The following DTNBP1 variants were observed in gnomAD, a reference collection of about 807,000 sequenced individuals.
DTNBP1 encodes dysbindin.
DTNBP1 carries 35 observed loss-of-function variants against 42.8 expected under a neutral mutation model. That is an observed-to-expected ratio of 0.82 (90% CI 0.63 to 1.09). DTNBP1 has a LOEUF of 1.09. DTNBP1 is among the 50% of genes least tolerant of loss of function. The pLI, the probability that DTNBP1 is intolerant of heterozygous loss-of-function variation, is 0.00. For missense variants in DTNBP1, 457 were observed against 424.2 expected (o/e 1.08, Z -0.68); for synonymous variants, 171 against 162.2 (o/e 1.05, Z -0.41).
At chr6:15,619,557 G>A (rs1581400817) in intron 5 of DTNBP1, among the ~76,000 whole-genome samples, 1 of 152,094 alleles carries the variant, frequency 6.6e-6, no homozygotes, top group East Asian at 1.9e-4. Flanking sequence ...AACAAAAAAT[G>A]TTTGAGAAAC....
chr6:15,646,845 T>C (rs1173105119), intron 3 of DTNBP1, among the ~76,000 whole-genome samples: 2 of 152,004 alleles, frequency 1.3e-5, no homozygotes, highest in Non-Finnish European at 2.9e-5. Flanking sequence ...GACCCCTACC[T>C]CTTACCATAT....
rs761227062 is a variant in DTNBP1 at position 15,533,400 on chromosome 6, G to A, written c.512-5C>T. 10 of 1,614,224 alleles carry A rather than the reference G, an allele frequency of 6.2e-6. No homozygotes were observed. The highest frequency in any genetic ancestry group is 8.5e-6 in the Non-Finnish European group (10 of 1,180,052). ...CGTGCTCTGCATCTAGTTCAGCTGAGGAAACAGAATAACTGGGGTTAGGGT... is the reference window on the plus strand; with the variant it reads ...CGTGCTCTGCATCTAGTTCAGCTGAAGAAACAGAATAACTGGGGTTAGGGT... On this transcript the variant is annotated splice_region_variant and splice_polypyrimidine_tract_variant and intron_variant, in intron 7 of 9. Coordinates refer to ENST00000344537, the MANE Select transcript of DTNBP1 (RefSeq NM_032122.5).
At chr6:15,581,613 T>G (rs1201714887) in intron 7 of DTNBP1, among the ~76,000 whole-genome samples, 1 of 150,726 alleles carries the variant, frequency 6.6e-6, no homozygotes, top group East Asian at 2.0e-4. Context: ...CCAGAGTAGC[T>G]AAGACTACAG....
At chr6:15,578,173 G>A (rs1188076266) in intron 7 of DTNBP1, among the ~76,000 whole-genome samples, 1 of 152,204 alleles carries the variant, frequency 6.6e-6, no homozygotes, top group Non-Finnish European at 1.5e-5. Context: ...AGTCCCCACG[G>A]TGCCAGCGAG....
intron 7 of DTNBP1, among the ~76,000 whole-genome samples, chr6:15,588,325 T>C (rs1776161605): frequency 6.6e-6 from 1 of 152,188 alleles, no homozygotes; most frequent in South Asian, 2.1e-4. Context: ...TCCAGAAAAC[T>C]TGCTTTAAAA....
At chr6:15,636,247 T>G (rs1342301704) in intron 4 of DTNBP1, among the ~76,000 whole-genome samples, 1 of 148,138 alleles carries the variant, frequency 6.8e-6, no homozygotes, top group Non-Finnish European at 1.5e-5. Context: ...GCCTCCCAGG[T>G]TGAAGCGATT....
intron 4 of DTNBP1, among the ~76,000 whole-genome samples, chr6:15,628,870 GAAT>G (rs1410660567): frequency 4.6e-5 from 7 of 152,170 alleles, no homozygotes; most frequent in Non-Finnish European, 8.8e-5. Context: ...ACTATAGTAG[GAAT>G]TCTCATTTGA....
At chr6:15,641,361 G>GC (rs1760341213) in intron 3 of DTNBP1, among the ~76,000 whole-genome samples, 1 of 152,176 alleles carries the variant, frequency 6.6e-6, no homozygotes. Context: ...CTGTCAGAGT[G>GC]CCCAAGGGAA....
chr6:15,653,236 G>T (rs1325985251), intron 1 of DTNBP1, among the ~76,000 whole-genome samples: 1 of 152,146 alleles, frequency 6.6e-6, no homozygotes, highest in Non-Finnish European at 1.5e-5. Context: ...GATGACTCAG[G>T]ATCAGTATTA....
At chr6:15,586,879 T>C (rs867103556) in intron 7 of DTNBP1, among the ~76,000 whole-genome samples, 6 of 152,334 alleles carry the variant, frequency 3.9e-5, no homozygotes, top group Middle Eastern at 3.4e-3. Context: ...AATGTTCTCC[T>C]TATCACATTT....
At chr6:15,569,455 C>T (rs1038666888) in intron 7 of DTNBP1, among the ~76,000 whole-genome samples, 1 of 150,152 alleles carries the variant, frequency 6.7e-6, no homozygotes, top group Non-Finnish European at 1.5e-5. Context: ...ATCAATGATC[C>T]CCAGACATCA....
At chr6:15,630,916 C>G (rs1759661715) in intron 4 of DTNBP1, among the ~76,000 whole-genome samples, 1 of 149,924 alleles carries the variant, frequency 6.7e-6, no homozygotes, top group Admixed American at 6.7e-5. Flanking sequence ...GACTCCGTCT[C>G]AAAAAAAAAG....
At chr6:15,535,087 G>A (rs1028196176) in intron 7 of DTNBP1, among the ~76,000 whole-genome samples, 3 of 150,532 alleles carry the variant, frequency 2.0e-5, no homozygotes, top group Admixed American at 2.0e-4. Context: ...TCAGGGGAGG[G>A]AAGTGATTGG....
At chr6:15,523,304 G>C in intron 9 of DTNBP1, 85 bp from the exon 10 acceptor site, 1 of 1,554,886 alleles carries the variant, frequency 6.4e-7, no homozygotes, top group East Asian at 2.3e-5. Context: ...GAATGTGCCC[G>C]TCATGAAAGG....
At position 15,655,468 on chromosome 6, in the gene DTNBP1, C is replaced by A. The variant is rs1003459316; in HGVS notation, c.57-3328G>T. Among the ~76,000 whole-genome samples, 73 of 152,224 alleles carry A rather than the reference C, an allele frequency of 4.8e-4. 1 individual carries two copies. The highest frequency in any genetic ancestry group is 1.7e-3 in the African/African-American group (71 of 41,526). ...CAAAAACAATCTTTTAGGTATTCATCTTTTCTCACCACTTCTTCTCCAAAT... is the reference window on the plus strand; with the variant it reads ...CAAAAACAATCTTTTAGGTATTCATATTTTCTCACCACTTCTTCTCCAAAT... On this transcript the variant is annotated intron_variant, in intron 1 of 9. Transcript: ENST00000344537.
intron 7 of DTNBP1, among the ~76,000 whole-genome samples, chr6:15,584,705 CTTTTTTTTTTTT>C (rs147548247): frequency 4.6e-5 from 4 of 86,432 alleles, no homozygotes; most frequent in Admixed American, 1.3e-4. Context: ...ACATGTATTT[CTTTTTTTTTTTT>C]TTTTTTTTTT....
At chr6:15,595,419 C>T (rs1414074422) in intron 6 of DTNBP1, among the ~76,000 whole-genome samples, 1 of 151,828 alleles carries the variant, frequency 6.6e-6, no homozygotes, top group East Asian at 1.9e-4. Context: ...CACCCACCAC[C>T]ACATGCCTGG....
intron 9 of DTNBP1, chr6:15,523,765 T>C (rs1772116491): frequency 1.6e-6 from 2 of 1,287,202 alleles, no homozygotes; most frequent in South Asian, 1.2e-5. Context: ...ATTCTGGCCT[T>C]CTCAGGATGA....
chr6:15,595,713 G>T (rs1407447244), intron 6 of DTNBP1, among the ~76,000 whole-genome samples: 1 of 152,202 alleles, frequency 6.6e-6, no homozygotes, highest in African/African-American at 2.4e-5. Flanking sequence ...GGCAGGGAAA[G>T]GCATGTCAGT....
Sources: gnomAD v4.1 joint callset for allele counts (sites outside exome capture counted in the v4.1 genomes callset) on GRCh38, gnomAD v4.1.1 for gene constraint, MANE v1.5 for transcripts, NCBI Gene and HGNC (gene_info 2026-07-23, HGNC 2026-07-21) for gene names.